The following KANSL1L variants were observed in gnomAD, a reference collection of about 807,000 sequenced individuals.
KANSL1L encodes KAT8 regulatory NSL complex subunit 1-like protein.
KANSL1L carries 25 observed loss-of-function variants against 108.6 expected under a neutral mutation model. The observed-to-expected ratio is 0.23, with a 90% CI of 0.17 to 0.32. The LOEUF is 0.32. Among genes scored for constraint, KANSL1L ranks in the 10% least tolerant of loss-of-function variants. The probability of loss-of-function intolerance (pLI) is 1.00; values close to 1 mark genes in which losing one functional copy is unlikely to be tolerated. For synonymous variants in KANSL1L, 405 were observed against 395.1 expected (o/e 1.03, Z -0.30); for missense variants, 1,137 against 1,125.7 (o/e 1.01, Z -0.14).
chr2:210,149,568 T>C (rs564111939), intron 2 of KANSL1L, among the ~76,000 whole-genome samples: 4 of 152,178 alleles, frequency 2.6e-5, no homozygotes, highest in Admixed American at 6.5e-5. Flanking sequence ...TTCACAAACG[T>C]AGAGAAGAAA....
chr2:210,123,853 G>A (rs2095043062), intron 3 of KANSL1L, among the ~76,000 whole-genome samples: 1 of 151,328 alleles, frequency 6.6e-6, no homozygotes, highest in African/African-American at 2.4e-5. Context: ...AAAGCACAAG[G>A]AGACAGTATT....
intron 2 of KANSL1L, among the ~76,000 whole-genome samples, chr2:210,150,683 G>A (rs1233056084): frequency 5.3e-5 from 8 of 151,596 alleles, no homozygotes; most frequent in African/African-American, 1.9e-4. Flanking sequence ...TTGGGAGGCT[G>A]AAGCAGGAGA....
intron 3 of KANSL1L, among the ~76,000 whole-genome samples, chr2:210,111,022 G>A (rs2094899027): frequency 6.6e-6 from 1 of 152,086 alleles, no homozygotes; most frequent in Non-Finnish European, 1.5e-5. Context: ...TGAGGCGGGA[G>A]GATCGCTTGA....
In KANSL1L at chr2:210,154,472, A is replaced by G; in HGVS notation, c.111T>C (p.Asp37=). ...MLYMESPRTV[D]EKLKGDTFSQ... ...AAAAGGTGTCTCCCTTTAGCTTTTC[A>G]TCTACAGTTCTGGGACTTTCCATGT... is the stretch of plus-strand genomic sequence containing the variant. The change falls in exon 2 of 15, where the codon GAT becomes GAC. Residue 37 remains aspartate (D), a synonymous_variant. Coordinates refer to ENST00000281772, the MANE Select transcript of KANSL1L (RefSeq NM_152519.4). The G allele has an allele frequency of 1.9e-6, 3 of 1,613,502 alleles. No individual in the cohort carries two copies. The South Asian group carries it at 3.3e-5, about 18-fold the overall frequency.
At chr2:210,097,792 G>T (rs1409905702) in intron 5 of KANSL1L, 1 of 180,656 alleles carries the variant, frequency 5.5e-6, no homozygotes, top group Non-Finnish European at 1.1e-5. Context: ...AAAGTGGAAG[G>T]TATATTAAAT....
At chr2:210,112,218 G>A (rs2094913398) in intron 3 of KANSL1L, among the ~76,000 whole-genome samples, 1 of 152,130 alleles carries the variant, frequency 6.6e-6, no homozygotes. Flanking sequence ...CTTCATAGCA[G>A]CAACCTAACA....
At chr2:210,163,240 G>A (rs1403018101) in intron 1 of KANSL1L, among the ~76,000 whole-genome samples, 1 of 152,178 alleles carries the variant, frequency 6.6e-6, no homozygotes, top group Non-Finnish European at 1.5e-5. Context: ...TGATTAATAT[G>A]CTAAGGCCTC....
intron 4 of KANSL1L, among the ~76,000 whole-genome samples, chr2:210,103,309 G>A (rs1033953198): frequency 1.3e-5 from 2 of 151,658 alleles, no homozygotes; most frequent in Non-Finnish European, 2.9e-5. Context: ...ATCACACACC[G>A]GGGCCTGTCA....
chr2:210,089,025 C>A, intron 5 of KANSL1L: 1 of 169,222 alleles, frequency 5.9e-6, no homozygotes, highest in South Asian at 1.5e-4. Flanking sequence ...CTGTGTTTGC[C>A]CTGATGAATG....
intron 1 of KANSL1L, among the ~76,000 whole-genome samples, chr2:210,170,016 G>T (rs1487326757): frequency 1.3e-5 from 2 of 152,182 alleles, no homozygotes; most frequent in Non-Finnish European, 2.9e-5. Context: ...CATCAGAGAG[G>T]TGACTAACCC....
rs1688319605 is a variant in KANSL1L at position 210,171,268 on chromosome 2, C to A, written c.-149G>T. On this transcript the variant is annotated 5_prime_UTR_variant, in exon 1 of 15. Transcript: ENST00000281772. ...CCCACCCGGGGCGCCGCTGACTCGT[C>A]TCCAGAGCGCGCCCCGCTCCCGCCC... 1 of 176,302 alleles carries A rather than the reference C, an allele frequency of 5.7e-6. No individual in the cohort carries two copies. Among genetic ancestry groups the A allele is most frequent in the Non-Finnish European group, 1.1e-5 (1 of 88,988 alleles). 10.9% of individuals were successfully genotyped at this position (176,302 alleles called of 1,614,324 possible).
intron 5 of KANSL1L, among the ~76,000 whole-genome samples, chr2:210,096,156 T>C (rs918624787): frequency 6.6e-6 from 1 of 152,172 alleles, no homozygotes; most frequent in Non-Finnish European, 1.5e-5. Context: ...ACAAAAACCT[T>C]TGAACTACTA....
intron 5 of KANSL1L, among the ~76,000 whole-genome samples, chr2:210,083,855 A>G (rs547962474): frequency 6.6e-6 from 1 of 150,734 alleles, no homozygotes; most frequent in East Asian, 2.0e-4. Flanking sequence ...AAAAAGTAAG[A>G]AACTAATAAA....
intron 6 of KANSL1L, among the ~76,000 whole-genome samples, chr2:210,053,194 G>A (rs1311853150): frequency 2.6e-5 from 4 of 152,154 alleles, no homozygotes. Flanking sequence ...GAAGATAATG[G>A]TCCATTTTTT....
At chr2:210,078,638 T>C (rs1331972016) in intron 5 of KANSL1L, among the ~76,000 whole-genome samples, 1 of 152,224 alleles carries the variant, frequency 6.6e-6, no homozygotes, top group Admixed American at 6.5e-5. Flanking sequence ...TAAATGGTTA[T>C]TGTAAACCAC....
At position 210,162,866 on chromosome 2, in the gene KANSL1L, TG is replaced by T. The variant is rs1433474087; in HGVS notation, c.-29-8256del. On this transcript the variant is annotated intron_variant, in intron 1 of 14. Coordinates refer to ENST00000281772, the MANE Select transcript of KANSL1L (RefSeq NM_152519.4). ...AAAGCCGATATTACTTTTTAAGGAATGTATTGCTTTTAAAAGGTTACATATT... is the reference window on the plus strand; with the variant it reads ...AAAGCCGATATTACTTTTTAAGGAATTATTGCTTTTAAAAGGTTACATATT... Among the ~76,000 whole-genome samples, 4 of 152,158 alleles carry T rather than the reference TG, an allele frequency of 2.6e-5. No individual in the cohort carries two copies. The East Asian group carries it at 7.7e-4, about 29-fold the overall frequency.
chr2:210,142,782 A>C (rs2095239680), intron 2 of KANSL1L, among the ~76,000 whole-genome samples: 1 of 151,786 alleles, frequency 6.6e-6, no homozygotes, highest in Admixed American at 6.6e-5. Flanking sequence ...CCTGTTACTG[A>C]TTTCTAATTT....
Position 210,104,112 on chromosome 2 carries a change from C to T in KANSL1L, c.1420G>A (p.Glu474Lys), listed in dbSNP as rs762505094. Reference protein sequence around the residue: ...SSPTLLLRNIEKQSAQLTEII... With the variant: ...SSPTLLLRNIKKQSAQLTEII... ...CCTTACTTTGACTTTACCTGTTTTT[C>T]GATGTTTCGAAGAAGTAAAGTAGGG... Residue 474 changes from glutamate to lysine, a missense_variant, in exon 4 of 15, where the codon GAA (glutamate) becomes AAA (lysine). By Grantham distance (56) the Glu-to-Lys change is moderately conservative (BLOSUM62 1). Coordinates refer to ENST00000281772, the MANE Select transcript of KANSL1L (RefSeq NM_152519.4). 8.1e-6 allele frequency: 13 copies of T among 1,612,364 alleles called. No individual in the cohort carries two copies. The highest frequency in any genetic ancestry group is 3.3e-5 in the South Asian group (3 of 91,018).
At chr2:210,049,252 T>A (rs1204129024) in intron 6 of KANSL1L, among the ~76,000 whole-genome samples, 2 of 152,170 alleles carry the variant, frequency 1.3e-5, no homozygotes, top group Non-Finnish European at 2.9e-5. Flanking sequence ...GGGTCACTTA[T>A]TTCTCTGGAT....
Sources: gnomAD v4.1 joint callset for allele counts (sites outside exome capture counted in the v4.1 genomes callset) on GRCh38, gnomAD v4.1.1 for gene constraint, MANE v1.5 for transcripts, NCBI Gene and HGNC (gene_info 2026-07-23, HGNC 2026-07-21) for gene names.